The following TIMP2 variants were observed in gnomAD, a reference collection of about 807,000 sequenced individuals.
TIMP2 encodes the protein metalloproteinase inhibitor 2.
Under a neutral mutation model 24.3 loss-of-function variants are expected in TIMP2, and 5 were observed. The ratio of observed to expected loss-of-function variants is 0.21; its 90% CI spans 0.11 to 0.43. TIMP2 has a LOEUF of 0.43. Among genes scored for constraint, TIMP2 ranks in the 20% least tolerant of loss-of-function variants. The probability of loss-of-function intolerance (pLI) is 1.00; values close to 1 mark genes in which losing one functional copy is unlikely to be tolerated. For synonymous variants in TIMP2, 130 were observed against 123.2 expected, an observed-to-expected ratio of 1.06 and a Z score of -0.37; for missense variants, 221 against 297.5, an observed-to-expected ratio of 0.74 and a Z score of 1.89.
intron 3 of TIMP2, among the ~76,000 whole-genome samples, chr17:78,862,681 G>T (rs2069577588): frequency 6.6e-6 from 1 of 152,246 alleles, no homozygotes; most frequent in Non-Finnish European, 1.5e-5. Flanking sequence ...CGCCCAATAG[G>T]TAGAATTTTT....
rs1007744849 is a variant in TIMP2, at chr17:78,891,761, G to A, written c.131-17842C>T. 6 of 1,550,986 alleles carry A rather than the reference G, an allele frequency of 3.9e-6. No homozygotes were observed. The highest frequency in any genetic ancestry group is 4.9e-5 in the East Asian group (2 of 40,918). On this transcript the variant is annotated intron_variant, in intron 1 of 4. Coordinates refer to ENST00000262768, the MANE Select transcript of TIMP2 (RefSeq NM_003255.5). This position sits in a 1 kb window ranked among gnomAD's most constrained non-coding sequence, Gnocchi z 4.5. ...GAGTGGGTTTGACCTTTCTAGGTCC[G>A]CCCCTTTGCTCCTCCGAGGATGGAT...
At chr17:78,859,935 C>T (rs1003514377) in intron 3 of TIMP2, among the ~76,000 whole-genome samples, 18 of 151,742 alleles carry the variant, frequency 1.2e-4, no homozygotes, top group Admixed American at 5.3e-4. Context: ...GAGGTTACAG[C>T]GAGAAGAGGT....
At chr17:78,921,728 C>T (rs1478798199) in intron 1 of TIMP2, among the ~76,000 whole-genome samples, 1 of 152,190 alleles carries the variant, frequency 6.6e-6, no homozygotes, top group Admixed American at 6.5e-5. Flanking sequence ...AGGACAAGGA[C>T]CTGGGGCCTT....
Position 78,925,115 on chromosome 17 carries a change from G to GA in TIMP2, c.-28_-27insT. Reference sequence around the variant, plus strand: ...GCGGGCCGGGGGGCTGGGCGGGCGGGGGCCGCCGCTGGGGGGTCCGGGCGC... The same window carrying GA: ...GCGGGCCGGGGGGCTGGGCGGGCGGGAGGCCGCCGCTGGGGGGTCCGGGCGC... On this transcript the variant is annotated 5_prime_UTR_variant, in exon 1 of 5. Transcript: ENST00000262768. 5.4e-6 allele frequency: 4 copies of GA among 745,380 alleles called. No homozygotes were observed. Among genetic ancestry groups the GA allele is most frequent in the Non-Finnish European group, 6.5e-6 (4 of 613,428 alleles). The allele number at this position is 745,380 out of a possible 1,614,324, so 46.2% of individuals were successfully genotyped here. A position where few individuals can be genotyped will look rare whatever the true frequency, so the allele number is the denominator to read the frequency against.
chr17:78,918,816 T>C (rs1001342134), intron 1 of TIMP2, among the ~76,000 whole-genome samples: 8 of 151,990 alleles, frequency 5.3e-5, no homozygotes, highest in African/African-American at 1.7e-4. Flanking sequence ...CTGGGCAACA[T>C]GGCGAAACCC....
chr17:78,866,779 A>G (rs1026967648), intron 3 of TIMP2, among the ~76,000 whole-genome samples: 2 of 152,218 alleles, frequency 1.3e-5, no homozygotes, highest in African/African-American at 4.8e-5. Flanking sequence ...AGCCGGTTAC[A>G]CAGGGTCACA....
At chr17:78,905,309 C>T (rs2070148837) in intron 1 of TIMP2, among the ~76,000 whole-genome samples, 1 of 150,992 alleles carries the variant, frequency 6.6e-6, no homozygotes, top group Non-Finnish European at 1.5e-5. Context: ...TGCTCCAGCT[C>T]ACAGACAGCA....
Position 78,855,684 on chromosome 17 carries a change from C to G in TIMP2, c.646G>C (p.Asp216His), listed in dbSNP as rs570205003. 1.2e-6 allele frequency: 2 copies of G among 1,613,748 alleles called. No individual in the cohort carries two copies. The highest frequency in any genetic ancestry group is 2.2e-5 in the East Asian group (1 of 44,860). ...AGGCCTGCTTATGGGTCCTCGATGT[C>G]GAGAAACTCCTGCTTGGGGGGCGCC... ...GAAPPKQEFL[D>H]IEDP Residue 216 changes from aspartate (D) to histidine (H), a missense_variant, in exon 5 of 5, where the codon GAC (aspartate) becomes CAC (histidine). Physicochemically the swap from Asp to His is moderately conservative, Grantham distance 81. Coordinates refer to ENST00000262768, the MANE Select transcript of TIMP2 (RefSeq NM_003255.5). This position sits in a 1 kb window ranked among gnomAD's most constrained non-coding sequence, Gnocchi z 6.0.
chr17:78,890,858 C>A, intron 1 of TIMP2: 1 of 1,550,602 alleles, frequency 6.4e-7, no homozygotes, highest in Non-Finnish European at 8.7e-7. Context: ...ATGGGCCAGT[C>A]GAGCTCTTCT....
At chr17:78,904,617 T>G (rs1466558967) in intron 1 of TIMP2, 1 of 152,114 alleles carries the variant, frequency 6.6e-6, no homozygotes, top group Admixed American at 6.5e-5. Flanking sequence ...TTGGAGTCCA[T>G]CTTCGCAGCC....
chr17:78,868,154 T>G (rs985371065), intron 3 of TIMP2, among the ~76,000 whole-genome samples: 1 of 152,162 alleles, frequency 6.6e-6, no homozygotes, highest in Non-Finnish European at 1.5e-5. Flanking sequence ...CCCCCAATCA[T>G]GGATATTTGG....
chr17:78,861,396 G>A (rs999231425), intron 3 of TIMP2, among the ~76,000 whole-genome samples: 2 of 152,162 alleles, frequency 1.3e-5, no homozygotes, highest in African/African-American at 4.8e-5. Context: ...TAAGGGCTGT[G>A]TCTTAACCCT....
At position 78,874,930 on chromosome 17, in the gene TIMP2, A is replaced by G. The variant is rs893022523; in HGVS notation, c.131-1011T>C. On this transcript the variant is annotated intron_variant, in intron 1 of 4. Coordinates refer to ENST00000262768, the MANE Select transcript of TIMP2 (RefSeq NM_003255.5). Reference sequence around the variant, plus strand: ...TAATTTTTGTATTTTTAGTAGAGAAAGCGTTTCGCCATGTTGGCCAGGCTG... The same window carrying G: ...TAATTTTTGTATTTTTAGTAGAGAAGGCGTTTCGCCATGTTGGCCAGGCTG... Among the ~76,000 whole-genome samples the G allele has an allele frequency of 3.3e-5, 5 of 152,104 alleles. No individual in the cohort carries two copies. In the East Asian group the frequency reaches 9.7e-4, roughly 29 times the overall value.
chr17:78,915,583 G>T (rs897213190), intron 1 of TIMP2, among the ~76,000 whole-genome samples: 7 of 151,634 alleles, frequency 4.6e-5, no homozygotes, highest in African/African-American at 1.7e-4. Context: ...GCAGTGGTGC[G>T]ATGTCGGCTC....
At chr17:78,903,953 G>C (rs555685659) in intron 1 of TIMP2, among the ~76,000 whole-genome samples, 1 of 152,184 alleles carries the variant, frequency 6.6e-6, no homozygotes, top group African/African-American at 2.4e-5. Context: ...AGACAGTCTT[G>C]CTCTGTTGCC....
chr17:78,865,978 AC>A (rs1282492187), intron 3 of TIMP2, among the ~76,000 whole-genome samples: 1 of 151,370 alleles, frequency 6.6e-6, no homozygotes, highest in East Asian at 1.9e-4. Flanking sequence ...GCTGGGACTT[AC>A]TTTAAAGGCT....
chr17:78,899,254 G>A (rs2070051043), intron 1 of TIMP2: 1 of 152,878 alleles, frequency 6.5e-6, no homozygotes, highest in South Asian at 2.1e-4. Context: ...CTCACCTGAG[G>A]CCCTTAAAAG....
chr17:78,880,559 A>C (rs932003772), intron 1 of TIMP2, among the ~76,000 whole-genome samples: 1 of 151,930 alleles, frequency 6.6e-6, no homozygotes, highest in Admixed American at 6.6e-5. Context: ...AAAAAAAAAC[A>C]AAAATTAGCT....
chr17:78,907,276 T>C (rs1568006455), intron 1 of TIMP2, among the ~76,000 whole-genome samples: 3 of 152,084 alleles, frequency 2.0e-5, no homozygotes, highest in Admixed American at 6.5e-5. Context: ...CTCAAGGTGA[T>C]CCTCCCGCCT....
Sources: allele counts gnomAD v4.1 joint callset (sites outside exome capture counted in the v4.1 genomes callset), GRCh38; gene constraint gnomAD v4.1.1; non-coding constraint Gnocchi (gnomAD v3.1); transcripts MANE v1.5; gene names NCBI Gene and HGNC (gene_info 2026-07-23, HGNC 2026-07-21).